The following TINAG variants were observed in gnomAD, a reference collection of about 807,000 sequenced individuals.
TINAG encodes tubulointerstitial nephritis antigen.
TINAG carries 83 observed loss-of-function variants against 72.7 expected under a neutral mutation model. That is an observed-to-expected ratio of 1.14 (90% confidence interval 0.96 to 1.37). TINAG has a LOEUF of 1.37. Among genes scored for constraint, TINAG ranks in the 40% most tolerant of loss-of-function variants. The pLI is 0.00. For synonymous variants in TINAG, 234 were observed against 189.9 expected (o/e 1.23, Z -1.91); for missense variants, 685 against 576.6 (o/e 1.19, Z -1.93).
At chr6:54,381,964 C>T (rs1418327564) in intron 10 of TINAG, among the ~76,000 whole-genome samples, 1 of 151,990 alleles carries the variant, frequency 6.6e-6, no homozygotes, top group Non-Finnish European at 1.5e-5. Flanking sequence ...CCTGATCATT[C>T]CCACCCTAGA....
chr6:54,315,598 G>T (rs577414833), intron 1 of TINAG, among the ~76,000 whole-genome samples: 1 of 152,012 alleles, frequency 6.6e-6, no homozygotes, highest in South Asian at 2.1e-4. Context: ...GATCCCTTAA[G>T]CCCAGGAGTT....
intron 9 of TINAG, among the ~76,000 whole-genome samples, chr6:54,372,994 A>G (rs1763678564): frequency 6.6e-6 from 1 of 152,076 alleles, no homozygotes; most frequent in African/African-American, 2.4e-5. Context: ...ATGATTAATG[A>G]GTACTAGCTG....
intron 1 of TINAG, among the ~76,000 whole-genome samples, chr6:54,314,511 A>G (rs956365359): frequency 1.3e-5 from 2 of 152,102 alleles, no homozygotes; most frequent in Non-Finnish European, 2.9e-5. Context: ...CTGTGTGGTA[A>G]TGTGTCTAGC....
intron 1 of TINAG, among the ~76,000 whole-genome samples, chr6:54,314,888 C>T (rs905158284): frequency 2.6e-5 from 4 of 152,026 alleles, no homozygotes; most frequent in African/African-American, 9.7e-5. Flanking sequence ...AGTTTTTACT[C>T]CATTCACTAT....
intron 9 of TINAG, among the ~76,000 whole-genome samples, chr6:54,377,380 C>T (rs1271229538): frequency 6.6e-6 from 1 of 151,964 alleles, no homozygotes; most frequent in African/African-American, 2.4e-5. Context: ...AGCACAGTGG[C>T]ACATGCTTGT....
Position 54,320,562 on chromosome 6 carries a change from A to G in TINAG, c.356-17A>G, listed in dbSNP as rs1360850815. The G allele has an allele frequency of 1.3e-6, 2 of 1,587,664 alleles. No individual in the cohort carries two copies. The highest frequency in any genetic ancestry group is 1.2e-5 in the South Asian group (1 of 85,944). On this transcript the variant is annotated splice_polypyrimidine_tract_variant and intron_variant, in intron 1 of 10. Coordinates refer to ENST00000259782, the MANE Select transcript of TINAG (RefSeq NM_014464.4). ...CTTAGTTTAGCATTTTCATTTCTTT[A>G]CATGTTACTTTGACAGGTTGCTTCA...
chr6:54,362,790 T>A (rs1410605531), intron 9 of TINAG, among the ~76,000 whole-genome samples: 1 of 151,424 alleles, frequency 6.6e-6, no homozygotes, highest in Non-Finnish European at 1.5e-5. Context: ...AAGTTCGACA[T>A]ATCAACATTC....
At chr6:54,347,285 G>T in intron 5 of TINAG, 82 bp from the exon 6 acceptor site, 1 of 1,398,308 alleles carries the variant, frequency 7.2e-7, no homozygotes, top group South Asian at 1.4e-5. Flanking sequence ...GACTACGTTA[G>T]GGTTCAAACA....
At chr6:54,333,041 A>G (rs1784777339) in intron 4 of TINAG, among the ~76,000 whole-genome samples, 2 of 152,180 alleles carry the variant, frequency 1.3e-5, no homozygotes, top group Admixed American at 6.5e-5. Context: ...TAGCTCAACC[A>G]TTGTGGGAGG....
intron 9 of TINAG, among the ~76,000 whole-genome samples, chr6:54,371,981 G>GTTTTTTTTTTTTTTTTTTTT (rs576340253): frequency 2.8e-5 from 2 of 71,420 alleles, no homozygotes; most frequent in African/African-American, 1.0e-4. Context: ...TTCAAGTCAT[G>GTTTTTTTTTTTTTTTTTTTT]TTTTTTTTTT....
chr6:54,358,701 T>A (rs762941763), intron 9 of TINAG, among the ~76,000 whole-genome samples: 27 of 151,926 alleles, frequency 1.8e-4, no homozygotes, highest in South Asian at 4.1e-4. Context: ...TGATGGGACT[T>A]ATAATAAATT....
chr6:54,353,718 C>T (rs2150962224), intron 8 of TINAG, among the ~76,000 whole-genome samples: 1 of 151,910 alleles, frequency 6.6e-6, no homozygotes, highest in East Asian at 1.9e-4. Context: ...ATCTGTCAAA[C>T]ACTAGTTACC....
At chr6:54,366,342 A>G (rs1763417526) in intron 9 of TINAG, among the ~76,000 whole-genome samples, 1 of 151,460 alleles carries the variant, frequency 6.6e-6, no homozygotes, top group Non-Finnish European at 1.5e-5. Context: ...TTCTCAAACA[A>G]TTGCTCTGTT....
intron 1 of TINAG, among the ~76,000 whole-genome samples, chr6:54,318,358 T>A (rs1348595378): frequency 6.6e-6 from 1 of 152,164 alleles, no homozygotes; most frequent in East Asian, 1.9e-4. Flanking sequence ...CTTATTTTAG[T>A]GATAGCTGTA....
chr6:54,360,127 T>C (rs903119354), intron 9 of TINAG, among the ~76,000 whole-genome samples: 9 of 151,838 alleles, frequency 5.9e-5, no homozygotes, highest in African/African-American at 2.2e-4. Flanking sequence ...CAATTGATTC[T>C]AGCATAAGGT....
In TINAG at chr6:54,308,823, T is replaced by C; in HGVS notation, c.273T>C (p.Asn91=). 6.2e-7 allele frequency: 1 copy of C among 1,613,802 alleles called. No individual in the cohort carries two copies. The highest frequency in any genetic ancestry group is 1.1e-5 in the South Asian group (1 of 91,084). ...CYCDKFCDRE[N]SDCCPDYKSF... is the part of the protein sequence containing the mutation. ...GTGATAAATTCTGTGACAGAGAAAA[T>C]TCTGATTGCTGTCCTGACTACAAGT... Residue 91 remains asparagine, a synonymous_variant, in exon 1 of 11, where the codon AAT becomes AAC. Coordinates refer to ENST00000259782, the MANE Select transcript of TINAG (RefSeq NM_014464.4).
At chr6:54,365,495 G>T (rs550664782) in intron 9 of TINAG, 1 of 151,422 alleles carries the variant, frequency 6.6e-6, no homozygotes, top group Non-Finnish European at 1.5e-5. Context: ...ATCTGTGAGG[G>T]TCACATGTTG....
chr6:54,343,253 C>A lies in TINAG; in HGVS notation c.652C>A (p.Pro218Thr), dbSNP rs1785041926. The change falls in exon 5 of 11, where the codon CCA becomes ACA. Residue 218 changes from proline (P) to threonine (T), a missense_variant. Coordinates refer to ENST00000259782, the MANE Select transcript of TINAG (RefSeq NM_014464.4). Reference protein sequence around the residue: ...TASLPATTDLPEFFVASYKWP... With the variant: ...TASLPATTDLTEFFVASYKWP... ...TTCTTTACCTGCAACAACTGATCTTCCAGAGTTTTTTGTTGCTTCTTATAA... is the reference window on the plus strand; with the variant it reads ...TTCTTTACCTGCAACAACTGATCTTACAGAGTTTTTTGTTGCTTCTTATAA... 2 of 1,579,546 alleles carry A rather than the reference C, an allele frequency of 1.3e-6. No homozygotes were observed. The highest frequency in any genetic ancestry group is 1.7e-5 in the Admixed American group (1 of 57,594).
intron 4 of TINAG, among the ~76,000 whole-genome samples, chr6:54,327,989 C>T (rs929889435): frequency 6.6e-6 from 1 of 152,146 alleles, no homozygotes; most frequent in Admixed American, 6.5e-5. Flanking sequence ...AGATAAAACT[C>T]CCATCTCCCT....
Sources: allele counts gnomAD v4.1 joint callset (sites outside exome capture counted in the v4.1 genomes callset), GRCh38; gene constraint gnomAD v4.1.1; transcripts MANE v1.5; gene names NCBI Gene and HGNC (gene_info 2026-07-23, HGNC 2026-07-21).